Variants in TPH2 observed in about 807,000 individuals in gnomAD.
The protein encoded by TPH2 is tryptophan 5-hydroxylase 2.
A neutral mutation model predicts 59.1 loss-of-function variants in TPH2; 27 were observed. The ratio of observed to expected loss-of-function variants is 0.46; its 90% CI spans 0.34 to 0.63. The LOEUF (loss-of-function observed/expected upper bound fraction) is 0.63. TPH2 is among the 30% of genes least tolerant of loss of function. The pLI is 0.01. For synonymous variants in TPH2, 220 were observed against 210.5 expected (o/e 1.05, Z -0.39); for missense variants, 523 against 588.3 (o/e 0.89, Z 1.15).
chr12:71,942,536 T>A (rs956712297), intron 2 of TPH2, among the ~76,000 whole-genome samples: 6 of 152,206 alleles, frequency 3.9e-5, no homozygotes, highest in Non-Finnish European at 8.8e-5. Flanking sequence ...ATAGCTGCAA[T>A]TGCAGTTAGG....
intron 9 of TPH2, among the ~76,000 whole-genome samples, chr12:72,029,500 T>G (rs972891128): frequency 6.6e-6 from 1 of 152,158 alleles, no homozygotes; most frequent in African/African-American, 2.4e-5. Context: ...GGCAACAACT[T>G]TCATAAAGGG....
rs1046082507 is a variant in TPH2, at chr12:72,032,412, T to C, written c.*717T>C. ...CAATCAATCTTGGGACTATGAATTT[T>C]ATGCTGGAATAAAGTAAATTATCAT... On this transcript the variant is annotated 3_prime_UTR_variant, in exon 11 of 11. Transcript: ENST00000333850. The C allele has an allele frequency of 6.6e-6, 1 of 152,314 alleles. No homozygotes were observed. Among genetic ancestry groups the C allele is most frequent in the East Asian group, 1.9e-4 (1 of 5,200 alleles). The allele number at this position is 152,314 out of a possible 1,614,324, so 9.4% of individuals were successfully genotyped here. A position where few individuals can be genotyped will look rare whatever the true frequency, so the allele number is the denominator to read the frequency against.
chr12:72,025,601 C>T (rs987956774), intron 9 of TPH2, among the ~76,000 whole-genome samples: 2 of 152,134 alleles, frequency 1.3e-5, no homozygotes, highest in Non-Finnish European at 2.9e-5. Context: ...CAACCATAAA[C>T]ACTACTTTTT....
At chr12:72,024,348 G>C (rs1473026339) in intron 9 of TPH2, among the ~76,000 whole-genome samples, 1 of 152,200 alleles carries the variant, frequency 6.6e-6, no homozygotes, top group Non-Finnish European at 1.5e-5. Flanking sequence ...CTGAAGCCTG[G>C]TCCATTGAAA....
intron 7 of TPH2, among the ~76,000 whole-genome samples, chr12:71,981,326 C>T (rs1342770941): frequency 6.6e-6 from 1 of 152,140 alleles, no homozygotes; most frequent in Non-Finnish European, 1.5e-5. Context: ...CAAACTAGGA[C>T]ATTTGGACTT....
intron 5 of TPH2, chr12:71,964,555 C>G (rs1000989589): frequency 1.0e-6 from 1 of 984,798 alleles, no homozygotes; most frequent in African/African-American, 1.7e-5. Flanking sequence ...TTCTTGAATA[C>G]TCATTGAGTA....
chr12:72,018,554 A>C (rs1335131011), intron 8 of TPH2, among the ~76,000 whole-genome samples: 1 of 152,186 alleles, frequency 6.6e-6, no homozygotes, highest in Non-Finnish European at 1.5e-5. Flanking sequence ...AGCATAAAAA[A>C]ATTAAACATG....
chr12:71,987,694 A>G (rs1285871071), intron 7 of TPH2, among the ~76,000 whole-genome samples: 1 of 152,166 alleles, frequency 6.6e-6, no homozygotes, highest in African/African-American at 2.4e-5. Context: ...TACTAAAAAT[A>G]CAAAAAAATT....
intron 5 of TPH2, among the ~76,000 whole-genome samples, chr12:71,968,386 C>T (rs1400238842): frequency 6.6e-6 from 1 of 152,216 alleles, no homozygotes; most frequent in Non-Finnish European, 1.5e-5. Flanking sequence ...CTCGCAGGCA[C>T]ACCACATTGG....
Position 71,969,836 on chromosome 12 carries a change from T to A in TPH2, c.609-2683T>A, listed in dbSNP as rs565043052. Among the ~76,000 whole-genome samples the A allele has an allele frequency of 1.7e-4, 26 of 152,346 alleles. 1 individual carries two copies. In the South Asian group the frequency reaches 5.2e-3, roughly 30 times the overall value. On this transcript the variant is annotated intron_variant, in intron 5 of 10. Coordinates refer to ENST00000333850, the MANE Select transcript of TPH2 (RefSeq NM_173353.4). ...AGCTAGACTGACTAGGTTTTAAGCC[T>A]GAATCCATGATTTTAGACAAGCAGC...
chr12:72,007,824 C>T (rs375586733), intron 8 of TPH2, among the ~76,000 whole-genome samples: 21 of 151,874 alleles, frequency 1.4e-4, no homozygotes, highest in African/African-American at 4.1e-4. Context: ...AAAAAGCCAA[C>T]GGTATAATAG....
intron 1 of TPH2, 22 bp downstream of exon 1, chr12:71,939,113 C>T (rs780850771): frequency 1.9e-6 from 3 of 1,577,212 alleles, no homozygotes; most frequent in Non-Finnish European, 1.7e-6. Flanking sequence ...GTACCTGGCA[C>T]TATGGAGAAT....
chr12:71,945,942 T>C (rs1871186722), intron 4 of TPH2, among the ~76,000 whole-genome samples: 1 of 152,138 alleles, frequency 6.6e-6, no homozygotes, highest in Admixed American at 6.6e-5. Context: ...TTCTGAACAT[T>C]AGAAAAACAT....
Position 72,004,545 on chromosome 12 carries a change from T to C in TPH2, c.1068+9980T>C, listed in dbSNP as rs149628236. On this transcript the variant is annotated intron_variant, in intron 8 of 10. Transcript: ENST00000333850. ...ATATTGCGGACTTCTTACTTTTTCTTCTCAAAGTAAGCTAGAATACATTCA... is the reference window on the plus strand; with the variant it reads ...ATATTGCGGACTTCTTACTTTTTCTCCTCAAAGTAAGCTAGAATACATTCA... Among the ~76,000 whole-genome samples the C allele has an allele frequency of 2.2e-3, 334 of 152,310 alleles. 8 individuals carry two copies. The highest frequency in any genetic ancestry group is 7.7e-3 in the African/African-American group (321 of 41,560).
intron 8 of TPH2, among the ~76,000 whole-genome samples, chr12:71,995,348 C>A (rs1393293652): frequency 6.6e-6 from 1 of 152,046 alleles, no homozygotes; most frequent in Non-Finnish European, 1.5e-5. Flanking sequence ...AACCCATTAC[C>A]TACAGGGACC....
Position 72,022,380 on chromosome 12 carries a change from T to C in TPH2, c.1069-19T>C. On this transcript the variant is annotated intron_variant, in intron 8 of 10. Coordinates refer to ENST00000333850, the MANE Select transcript of TPH2 (RefSeq NM_173353.4). ...AACTCATTGACCAGTTCACTGAATA[T>C]GTGTTCGTTTTTCTTCAGTGCTATT... is the stretch of plus-strand genomic sequence containing the variant. 6.3e-7 allele frequency: 1 copy of C among 1,591,432 alleles called. No individual in the cohort carries two copies. Among genetic ancestry groups the C allele is most frequent in the Non-Finnish European group, 8.6e-7 (1 of 1,159,284 alleles).
chr12:72,011,873 A>G (rs1040466084), intron 8 of TPH2, among the ~76,000 whole-genome samples: 1 of 152,132 alleles, frequency 6.6e-6, no homozygotes, highest in Non-Finnish European at 1.5e-5. Context: ...TGACTTGGGG[A>G]CCACTGGCTA....
intron 5 of TPH2, among the ~76,000 whole-genome samples, chr12:71,969,152 G>A (rs747911615): frequency 2.0e-5 from 3 of 152,166 alleles, no homozygotes; most frequent in East Asian, 1.9e-4. Flanking sequence ...GCGTGGTGGC[G>A]GGCGCCTGTA....
intron 4 of TPH2, among the ~76,000 whole-genome samples, chr12:71,948,923 A>G (rs1293708850): frequency 6.6e-6 from 1 of 152,202 alleles, no homozygotes; most frequent in African/African-American, 2.4e-5. Context: ...TGACAGACAT[A>G]ATGTTTAATT....
Sources: gnomAD v4.1 joint callset for allele counts (sites outside exome capture counted in the v4.1 genomes callset) on GRCh38, gnomAD v4.1.1 for gene constraint, MANE v1.5 for transcripts, NCBI Gene and HGNC (gene_info 2026-07-23, HGNC 2026-07-21) for gene names.